The following GRK4 variants were observed in gnomAD, a reference collection of about 807,000 sequenced individuals.
GRK4 encodes G protein-coupled receptor kinase 4.
Under a neutral mutation model 77.9 loss-of-function variants are expected in GRK4, and 73 were observed. That is an observed-to-expected ratio of 0.94 (90% CI 0.78 to 1.14). GRK4 has a LOEUF of 1.14. GRK4 is among the 50% of genes most tolerant of loss of function. The probability of loss-of-function intolerance (pLI) is 0.00; values close to 1 mark genes in which losing one functional copy is unlikely to be tolerated. For missense variants in GRK4, 729 were observed against 700.2 expected (o/e 1.04, Z -0.46); for synonymous variants, 257 against 254.4 (o/e 1.01, Z -0.10).
At position 3,038,384 on chromosome 4, in the gene GRK4, A is replaced by C. The variant is rs373898647; in HGVS notation, c.1554A>C (p.Glu518Asp). Residue 518 changes from glutamate (E) to aspartate (D), a missense_variant, in exon 15 of 16, where the codon GAA becomes GAC. By Grantham distance (45) the Glu-to-Asp change is conservative. Transcript: ENST00000398052. ...VSIPWQNEMI[E>D]SGCFKDINKS... ...TTATTCTGTGCATGCAGATGATCGA[A>C]TCTGGGTGTTTCAAAGACATCAACA... The C allele has an allele frequency of 9.9e-6, 16 of 1,614,088 alleles. No homozygotes were observed. In the African/African-American group the frequency reaches 1.7e-4, roughly 17 times the overall value.
chr4:3,010,211 T>G (rs946048760), intron 7 of GRK4, among the ~76,000 whole-genome samples: 2 of 145,694 alleles, frequency 1.4e-5, no homozygotes, highest in African/African-American at 5.6e-5. Flanking sequence ...ACGAGGGGTG[T>G]TTTTTTTGTT....
rs190889498 is a variant in GRK4 at position 3,025,100 on chromosome 4, G to A, written c.970+2649G>A. Among the ~76,000 whole-genome samples, 149 of 151,864 alleles carry A rather than the reference G, an allele frequency of 9.8e-4. 1 individual carries two copies. The highest frequency in any genetic ancestry group is 3.5e-3 in the Admixed American group (53 of 15,258). ...AGCCTGGCCAACATGGTGAAACCCT[G>A]TCTCTACTAAAAATACAAAAATTAG... On this transcript the variant is annotated intron_variant, in intron 10 of 15. Coordinates refer to ENST00000398052, the MANE Select transcript of GRK4 (RefSeq NM_182982.3).
intron 4 of GRK4, among the ~76,000 whole-genome samples, chr4:2,994,919 C>A (rs185672189): frequency 6.6e-6 from 1 of 152,132 alleles, no homozygotes; most frequent in African/African-American, 2.4e-5. Context: ...TTTTCTTGAT[C>A]TGCTCCTTCC....
chr4:2,983,732 T>C (rs920886731), intron 1 of GRK4, among the ~76,000 whole-genome samples: 2 of 152,196 alleles, frequency 1.3e-5, no homozygotes, highest in African/African-American at 2.4e-5. Context: ...CTCCCTGTAT[T>C]AGTCCATTTT....
At chr4:3,030,752 G>A (rs1192470856) in intron 12 of GRK4, among the ~76,000 whole-genome samples, 3 of 152,144 alleles carry the variant, frequency 2.0e-5, no homozygotes, top group South Asian at 2.1e-4. Flanking sequence ...AGAGGGGGAC[G>A]GGACAGAGAG....
chr4:3,004,195 A>G, intron 4 of GRK4, 36 bp from the exon 5 acceptor site: 1 of 1,354,828 alleles, frequency 7.4e-7, no homozygotes, highest in Non-Finnish European at 1.1e-6. Flanking sequence ...TTATGAAATC[A>G]CTAATGGTTA....
chr4:3,021,221 C>T (rs1234324364), intron 9 of GRK4, among the ~76,000 whole-genome samples: 1 of 152,178 alleles, frequency 6.6e-6, no homozygotes, highest in Non-Finnish European at 1.5e-5. Context: ...GTCCTCACTT[C>T]ATTGTACCTT....
At chr4:3,040,183 G>A (rs1416663627) in intron 15 of GRK4, among the ~76,000 whole-genome samples, 1 of 152,188 alleles carries the variant, frequency 6.6e-6, no homozygotes, top group Non-Finnish European at 1.5e-5. Flanking sequence ...GCTCACACCT[G>A]TAATCTCAGC....
chr4:2,995,870 T>A (rs1213899914), intron 4 of GRK4, among the ~76,000 whole-genome samples: 1 of 152,092 alleles, frequency 6.6e-6, no homozygotes, highest in African/African-American at 2.4e-5. Flanking sequence ...GATCCACTGA[T>A]CATTGGCTAT....
intron 4 of GRK4, among the ~76,000 whole-genome samples, chr4:2,999,411 C>G (rs1289228385): frequency 6.6e-6 from 1 of 152,200 alleles, no homozygotes; most frequent in African/African-American, 2.4e-5. Flanking sequence ...CCTCTCAACA[C>G]TGTTGCATTG....
chr4:3,001,089 A>ATATATATATATATATATGTGTG lies in GRK4; in HGVS notation c.340-3141_340-3140insATATATATATATATATGTGTGT. On this transcript the variant is annotated intron_variant, in intron 4 of 15. Coordinates refer to ENST00000398052, the MANE Select transcript of GRK4 (RefSeq NM_182982.3). ...TAAATGAGACTATATATATATATAT[A>ATATATATATATATATATGTGTG]TGTGTGTGTGTGTGTGTATATATAT... 1.5e-3 allele frequency among the ~76,000 whole-genome samples: 123 copies of ATATATATATATATATATGTGTG among 82,426 alleles called. 12 individuals carry two copies. The highest frequency in any genetic ancestry group is 6.2e-3 in the African/African-American group (107 of 17,210). 54.1% of individuals were successfully genotyped at this position (82,426 alleles called of 152,430 possible). A position where few individuals can be genotyped will look rare whatever the true frequency, so the allele number is the denominator to read the frequency against.
chr4:3,022,584 G>A (rs1294381918), intron 10 of GRK4, 133 bp downstream of exon 10: 4 of 772,136 alleles, frequency 5.2e-6, no homozygotes, highest in South Asian at 2.0e-5. Context: ...AAACTCTGTG[G>A]TATGTGTTCA....
chr4:3,027,417 A>G (rs1737879057), intron 10 of GRK4, among the ~76,000 whole-genome samples: 1 of 152,228 alleles, frequency 6.6e-6, no homozygotes, highest in Non-Finnish European at 1.5e-5. Flanking sequence ...AACACATAAT[A>G]TAGTTCCCTA....
intron 7 of GRK4, among the ~76,000 whole-genome samples, chr4:3,011,792 A>G (rs1002959743): frequency 6.6e-6 from 1 of 152,246 alleles, no homozygotes; most frequent in African/African-American, 2.4e-5. Flanking sequence ...TTTTGTCAAC[A>G]GTAATTCTTT....
intron 1 of GRK4, among the ~76,000 whole-genome samples, chr4:2,983,224 A>C (rs1723336840): frequency 6.6e-6 from 1 of 152,154 alleles, no homozygotes; most frequent in Non-Finnish European, 1.5e-5. Context: ...GTCTCTTACA[A>C]TTTTCCACAC....
chr4:2,992,626 G>C (rs969149518), intron 4 of GRK4, among the ~76,000 whole-genome samples: 1 of 152,048 alleles, frequency 6.6e-6, no homozygotes, highest in African/African-American at 2.4e-5. Flanking sequence ...AGGTGGCTGT[G>C]AGCCAAGGTC....
chr4:2,968,158 CTT>C (rs1718364838), intron 1 of GRK4, among the ~76,000 whole-genome samples: 1 of 151,894 alleles, frequency 6.6e-6, no homozygotes, highest in Non-Finnish European at 1.5e-5. Flanking sequence ...CAACTTATAA[CTT>C]TTATGCTTTA....
intron 1 of GRK4, among the ~76,000 whole-genome samples, chr4:2,983,056 C>T (rs1723288651): frequency 6.6e-6 from 1 of 152,192 alleles, no homozygotes; most frequent in African/African-American, 2.4e-5. Flanking sequence ...CTCATGATCT[C>T]AGTTGAAATA....
chr4:3,027,369 T>A (rs1373010101), intron 10 of GRK4, among the ~76,000 whole-genome samples: 1 of 152,210 alleles, frequency 6.6e-6, no homozygotes, highest in Non-Finnish European at 1.5e-5. Context: ...TCCATAGGAA[T>A]TCAACAAATA....
Sources: gnomAD v4.1 joint callset for allele counts (sites outside exome capture counted in the v4.1 genomes callset) on GRCh38, gnomAD v4.1.1 for gene constraint, MANE v1.5 for transcripts, NCBI Gene and HGNC (gene_info 2026-07-23, HGNC 2026-07-21) for gene names.